The following ZSCAN5A variants were observed in gnomAD, a reference collection of about 807,000 sequenced individuals.
ZSCAN5A encodes the protein zinc finger and SCAN domain containing 5A, also known as zinc finger and SCAN domain-containing protein 5A.
ZSCAN5A carries 12 observed loss-of-function variants against 23.7 expected under a neutral mutation model. The ratio of observed to expected loss-of-function variants is 0.51; its 90% confidence interval spans 0.32 to 0.82. The LOEUF is 0.82. Ranked by LOEUF, ZSCAN5A falls within the 40% of genes least tolerant of loss-of-function variation. ZSCAN5A has a pLI of 0.03. For synonymous variants in ZSCAN5A, 257 were observed against 239.9 expected (o/e 1.07, Z -0.66); for missense variants, 597 against 617.9 (o/e 0.97, Z 0.36).
intron 2 of ZSCAN5A, among the ~76,000 whole-genome samples, chr19:56,323,952 C>T (rs1180183227): frequency 2.0e-5 from 3 of 152,078 alleles, no homozygotes; most frequent in Non-Finnish European, 4.4e-5. Context: ...ACTCCATCAC[C>T]CCAAACCTGC....
At chr19:56,329,228 A>G (rs1189661498) in intron 2 of ZSCAN5A, among the ~76,000 whole-genome samples, 1 of 151,908 alleles carries the variant, frequency 6.6e-6, no homozygotes, top group African/African-American at 2.4e-5. Flanking sequence ...ATATGCCTGT[A>G]AACACAGCTA....
chr19:56,350,312 G>A (rs1041073095), intron 2 of ZSCAN5A, among the ~76,000 whole-genome samples: 2 of 152,134 alleles, frequency 1.3e-5, no homozygotes, highest in South Asian at 2.1e-4. Flanking sequence ...TTTTATGTAC[G>A]GAAGGATTTT....
chr19:56,260,467 G>A (rs1336815070), intron 2 of ZSCAN5A, among the ~76,000 whole-genome samples: 1 of 152,064 alleles, frequency 6.6e-6, no homozygotes, highest in African/African-American at 2.4e-5. Context: ...GCCCGCCTCG[G>A]CCTCCCAAAG....
chr19:56,320,225 C>T, intron 2 of ZSCAN5A: 1 of 586,292 alleles, frequency 1.7e-6, no homozygotes, highest in South Asian at 1.6e-5. Context: ...GTTCTCTGCC[C>T]ATTAGTTCAA....
Position 56,222,005 on chromosome 19 carries a change from G to A in ZSCAN5A, c.1061C>T (p.Pro354Leu), listed in dbSNP as rs61736533. Residue 354 changes from proline (P) to leucine (L), a missense_variant, in exon 6 of 6, where the codon CCG becomes CTG. Physicochemically the swap from Pro to Leu is moderately conservative, Grantham distance 98. Coordinates refer to ENST00000683990, the MANE Select transcript of ZSCAN5A (RefSeq NM_001322064.3). Reference protein sequence around the residue: ...HPDGQEAKALPPFACDVCEKR... With the variant: ...HPDGQEAKALLPFACDVCEKR... ...CTCGCACACGTCACATGCAAAGGGC[G>A]GCAGTGCCTTGGCTTCTTGGCCATC... The A allele has an allele frequency of 9.3e-3, 15,046 of 1,614,174 alleles. 88 individuals carry two copies. Among genetic ancestry groups the A allele is most frequent in the Non-Finnish European group, 0.011 (13,255 of 1,180,044 alleles).
intron 2 of ZSCAN5A, among the ~76,000 whole-genome samples, chr19:56,226,703 C>T (rs968293964): frequency 6.6e-6 from 1 of 152,172 alleles, no homozygotes; most frequent in African/African-American, 2.4e-5. Context: ...CCGGCAATCC[C>T]GCTCCGGGGC....
At chr19:56,285,719 T>C (rs186994303) in intron 2 of ZSCAN5A, among the ~76,000 whole-genome samples, 1,596 of 152,324 alleles carry the variant, frequency 0.01, 15 homozygotes, top group Non-Finnish European at 0.019. Context: ...GACCTCGTGA[T>C]CCGCCCGCCT....
intron 2 of ZSCAN5A, among the ~76,000 whole-genome samples, chr19:56,331,847 A>T (rs1428627579): frequency 6.6e-6 from 1 of 151,898 alleles, no homozygotes; most frequent in Non-Finnish European, 1.5e-5. Context: ...CGGCCTCCCA[A>T]AGTGCTGGGA....
intron 2 of ZSCAN5A, among the ~76,000 whole-genome samples, chr19:56,301,516 C>T (rs915053603): frequency 1.3e-5 from 2 of 152,086 alleles, no homozygotes; most frequent in East Asian, 1.9e-4. Context: ...GCTTCTTTAC[C>T]GCAACCTGTT....
intron 5 of ZSCAN5A, 128 bp from the exon 6 acceptor site, chr19:56,222,454 G>A (rs113925628): frequency 0.029 from 44,536 of 1,550,670 alleles, 763 homozygotes; most frequent in Non-Finnish European, 0.033. Context: ...TTGGACTGTA[G>A]GTCTCTGGAA....
At chr19:56,321,713 G>A in intron 2 of ZSCAN5A, 1 of 1,412,952 alleles carries the variant, frequency 7.1e-7, no homozygotes, top group Non-Finnish European at 1.0e-6. Flanking sequence ...ATGTTCAAGG[G>A]CTCTTGATTT....
intron 2 of ZSCAN5A, chr19:56,246,811 G>A: frequency 1.2e-6 from 2 of 1,610,924 alleles, no homozygotes; most frequent in South Asian, 2.2e-5. Flanking sequence ...CACACCTTCT[G>A]CCTGCGTTGT....
At chr19:56,308,631 A>T (rs2040851744) in intron 2 of ZSCAN5A, among the ~76,000 whole-genome samples, 1 of 143,568 alleles carries the variant, frequency 7.0e-6, no homozygotes, top group Non-Finnish European at 1.5e-5. Flanking sequence ...CCCATATTAA[A>T]TCATTTCTGA....
At chr19:56,267,045 T>C (rs1391868754) in intron 2 of ZSCAN5A, among the ~76,000 whole-genome samples, 1 of 104,402 alleles carries the variant, frequency 9.6e-6, no homozygotes, top group East Asian at 2.2e-4. Flanking sequence ...GCACAAGCTG[T>C]TCCCTCTGTC....
At chr19:56,325,939 G>GT (rs200126826) in intron 2 of ZSCAN5A, among the ~76,000 whole-genome samples, 8,058 of 146,596 alleles carry the variant, frequency 0.055, 409 homozygotes, top group East Asian at 0.26. Flanking sequence ...ATATATTGTG[G>GT]TTTTTTTTTT....
At chr19:56,228,205 GA>G in intron 2 of ZSCAN5A, 2 of 983,840 alleles carry the variant, frequency 2.0e-6, no homozygotes, top group South Asian at 4.7e-5. Flanking sequence ...ACCAACCCCC[GA>G]CATGCCAGCT....
chr19:56,301,914 C>A, intron 2 of ZSCAN5A: 1 of 1,231,884 alleles, frequency 8.1e-7, no homozygotes, highest in Non-Finnish European at 1.0e-6. Flanking sequence ...ACAGGAAGCT[C>A]TAAGGCAGGA....
At chr19:56,341,702 C>CAAAAAA (rs1175628460) in intron 2 of ZSCAN5A, among the ~76,000 whole-genome samples, 909 of 53,790 alleles carry the variant, frequency 0.017, 35 homozygotes, top group African/African-American at 0.03. Flanking sequence ...TACCAAAAGG[C>CAAAAAA]AAAAAAAAAA....
At chr19:56,244,818 G>A (rs959295673) in intron 2 of ZSCAN5A, among the ~76,000 whole-genome samples, 3 of 139,440 alleles carry the variant, frequency 2.2e-5, no homozygotes, top group Non-Finnish European at 4.4e-5. Flanking sequence ...ATGTAGGGAA[G>A]GAGGCATTAG....
Sources: gnomAD v4.1 joint callset for allele counts (sites outside exome capture counted in the v4.1 genomes callset) on GRCh38, gnomAD v4.1.1 for gene constraint, MANE v1.5 for transcripts, NCBI Gene and HGNC (gene_info 2026-07-23, HGNC 2026-07-21) for gene names.